SLC13A4: variants seen among roughly 807,000 people sequenced by gnomAD.
SLC13A4 encodes the protein solute carrier family 13 member 4.
A neutral mutation model predicts 72.7 loss-of-function variants in SLC13A4; 28 were observed. That is an observed-to-expected ratio of 0.39 (90% CI 0.29 to 0.53). SLC13A4 has a LOEUF of 0.53. Among genes scored for constraint, SLC13A4 ranks in the 20% least tolerant of loss-of-function variants. The probability of loss-of-function intolerance (pLI) is 0.78; values close to 1 mark genes in which losing one functional copy is unlikely to be tolerated. For missense variants in SLC13A4, 653 were observed against 788.0 expected, an observed-to-expected ratio of 0.83 and a Z score of 2.05; for synonymous variants, 312 against 325.5, an observed-to-expected ratio of 0.96 and a Z score of 0.45.
intron 6 of SLC13A4, 180 bp downstream of exon 6, chr7:135,702,665 C>A (rs1796065456): frequency 3.3e-6 from 2 of 613,256 alleles, no homozygotes; most frequent in Admixed American, 5.3e-5. Context: ...CATGAGCCAC[C>A]ACGCCCAGCC....
chr7:135,689,283 A>C (rs1795720019), intron 13 of SLC13A4, among the ~76,000 whole-genome samples: 1 of 152,170 alleles, frequency 6.6e-6, no homozygotes, highest in Non-Finnish European at 1.5e-5. Flanking sequence ...AAATATCCCG[A>C]ACTTGGAATG....
intron 2 of SLC13A4, among the ~76,000 whole-genome samples, chr7:135,711,963 A>ATTTTTTTTTTTTTTTTTTTTTTTTTTTT (rs529940903): frequency 2.1e-5 from 1 of 46,900 alleles, no homozygotes; most frequent in Admixed American, 3.4e-4. Flanking sequence ...ATGTTTTTGG[A>ATTTTTTTTTTTTTTTTTTTTTTTTTTTT]TTTTTTTTTT....
chr7:135,687,850 A>AC (rs1281255073), intron 13 of SLC13A4, among the ~76,000 whole-genome samples: 2 of 152,166 alleles, frequency 1.3e-5, no homozygotes, highest in African/African-American at 4.8e-5. Flanking sequence ...GTGCTCTGTC[A>AC]CCCAAGCTGG....
rs908863295 is a variant in SLC13A4 at position 135,692,561 on chromosome 7, A to G, written c.1122-137T>C. The stretch of plus-strand genomic sequence containing the variant: ...CACACTCACTGCCTAACCACTATGA[A>G]TGGCTGACAGTGAGATGAGGAGAAG... On this transcript the variant is annotated intron_variant, in intron 10 of 15. Coordinates refer to ENST00000682651, the MANE Select transcript of SLC13A4 (RefSeq NM_001318192.2). The G allele has an allele frequency of 7.1e-5, 44 of 618,760 alleles. No individual in the cohort carries two copies. The African/African-American group carries it at 7.4e-4, about 10-fold the overall frequency. The allele number at this position is 618,760 out of a possible 1,614,324, so 38.3% of individuals were successfully genotyped here.
chr7:135,682,510 A>G (rs1795525462), intron 15 of SLC13A4, among the ~76,000 whole-genome samples: 1 of 152,218 alleles, frequency 6.6e-6, no homozygotes, highest in Non-Finnish European at 1.5e-5. Flanking sequence ...ATGCTGGGAA[A>G]TTGTTTCAAG....
At position 135,708,214 on chromosome 7, in the gene SLC13A4, G is replaced by A; in HGVS notation, c.265C>T (p.Leu89=). ...AEYFKNTTLL[L]VGVICVAAAV... ...GCCGCCACGCAGATGACCCCCACCA[G>A]CAGCAGCGTGGTGTTCTTGAAGTAC... The change falls in exon 3 of 16, where the codon CTG becomes TTG. Residue 89 remains leucine, a synonymous_variant. Coordinates refer to ENST00000682651, the MANE Select transcript of SLC13A4 (RefSeq NM_001318192.2). 6.2e-7 allele frequency: 1 copy of A among 1,614,234 alleles called. No homozygotes were observed. The highest frequency in any genetic ancestry group is 2.2e-5 in the East Asian group (1 of 44,882).
intron 10 of SLC13A4, among the ~76,000 whole-genome samples, chr7:135,693,924 C>T (rs1352469346): frequency 6.6e-6 from 1 of 152,206 alleles, no homozygotes; most frequent in Non-Finnish European, 1.5e-5. Flanking sequence ...TGGCTATACC[C>T]TGGACTCTGA....
chr7:135,715,396 CATGTGTGTAT>C lies in SLC13A4; in HGVS notation c.228+5989_228+5998del, dbSNP rs1197704085. 1.2e-4 allele frequency among the ~76,000 whole-genome samples: 15 copies of C among 127,598 alleles called. No individual in the cohort carries two copies. In the East Asian group the frequency reaches 2.4e-3, roughly 20 times the overall value. 83.7% of individuals were successfully genotyped at this position (127,598 alleles called of 152,430 possible). On this transcript the variant is annotated intron_variant, in intron 2 of 15. Coordinates refer to ENST00000682651, the MANE Select transcript of SLC13A4 (RefSeq NM_001318192.2). ...GAGTGTGTGAGTGTGTATGTGTGAA[CATGTGTGTAT>C]GAGTGTGTGTATGAGTGTGTGAGCG...
intron 11 of SLC13A4, 118 bp from the exon 12 acceptor site, chr7:135,691,763 C>T: frequency 1.5e-6 from 1 of 678,238 alleles, no homozygotes; most frequent in Non-Finnish European, 2.5e-6. Flanking sequence ...CTAGAGGTAA[C>T]ATTAAGCTTA....
At chr7:135,707,094 G>C (rs1195541222) in intron 3 of SLC13A4, among the ~76,000 whole-genome samples, 1 of 152,196 alleles carries the variant, frequency 6.6e-6, no homozygotes, top group Non-Finnish European at 1.5e-5. Context: ...GACTCCATTG[G>C]CTGACAGCGA....
At chr7:135,683,478 C>CT (rs1795551581) in intron 15 of SLC13A4, 1 of 983,442 alleles carries the variant, frequency 1.0e-6, no homozygotes, top group Non-Finnish European at 1.2e-6. Context: ...TTTCCATCCT[C>CT]TCCCCCCCCG....
chr7:135,725,490 A>G (rs1024652033), intron 1 of SLC13A4, among the ~76,000 whole-genome samples: 3 of 152,112 alleles, frequency 2.0e-5, no homozygotes, highest in Non-Finnish European at 4.4e-5. Context: ...CTAGTTTTAG[A>G]GAGTTGGGCA....
chr7:135,710,895 C>T (rs910761317), intron 2 of SLC13A4, among the ~76,000 whole-genome samples: 5 of 150,716 alleles, frequency 3.3e-5, no homozygotes, highest in African/African-American at 4.9e-5. Context: ...ACTACTGTCA[C>T]GAATGCCCCC....
chr7:135,695,538 GGT>G (rs1397095255), intron 8 of SLC13A4, 51 bp from the exon 9 acceptor site: 21 of 1,574,294 alleles, frequency 1.3e-5, no homozygotes, highest in Non-Finnish European at 1.7e-5. Context: ...GTTTCCATAT[GGT>G]ATTTTGGGGT....
Position 135,728,104 on chromosome 7 carries a change from G to A in SLC13A4, c.-608C>T, listed in dbSNP as rs1796708932. On this transcript the variant is annotated 5_prime_UTR_variant, in exon 1 of 16. Coordinates refer to ENST00000682651, the MANE Select transcript of SLC13A4 (RefSeq NM_001318192.2). ...GGGCTGCTGGTCGCTCCCAGGACGT[G>A]GTACCTTAACTCTGTTCACATGTCT... 6.6e-6 allele frequency: 1 copy of A among 152,152 alleles called. No individual in the cohort carries two copies. Among genetic ancestry groups the A allele is most frequent in the South Asian group, 2.1e-4 (1 of 4,828 alleles). 9.4% of individuals were successfully genotyped at this position (152,152 alleles called of 1,614,324 possible). A position where few individuals can be genotyped will look rare whatever the true frequency, so the allele number is the denominator to read the frequency against.
intron 5 of SLC13A4, 42 bp from the exon 6 acceptor site, chr7:135,702,926 C>G: frequency 9.2e-6 from 14 of 1,526,142 alleles, no homozygotes; most frequent in Non-Finnish European, 1.3e-5. Flanking sequence ...TCAGTGAGGC[C>G]GACTCTTGGG....
At chr7:135,724,934 C>T (rs1486645992) in intron 1 of SLC13A4, among the ~76,000 whole-genome samples, 2 of 152,226 alleles carry the variant, frequency 1.3e-5, no homozygotes, top group Non-Finnish European at 2.9e-5. Flanking sequence ...TCCCCAACGC[C>T]TATCCCATGT....
intron 2 of SLC13A4, 43 bp downstream of exon 2, chr7:135,721,352 C>T (rs753616807): frequency 3.5e-5 from 56 of 1,610,496 alleles, no homozygotes; most frequent in Non-Finnish European, 4.7e-5. Flanking sequence ...TTCAGGGGCC[C>T]TGCAGGGACC....
At chr7:135,723,411 C>G (rs1484704975) in intron 1 of SLC13A4, among the ~76,000 whole-genome samples, 1 of 152,148 alleles carries the variant, frequency 6.6e-6, no homozygotes, top group Non-Finnish European at 1.5e-5. Context: ...CTGATGAACG[C>G]TGTTAAGACA....
Sources: gnomAD v4.1 joint callset for allele counts (sites outside exome capture counted in the v4.1 genomes callset) on GRCh38, gnomAD v4.1.1 for gene constraint, MANE v1.5 for transcripts, NCBI Gene and HGNC (gene_info 2026-07-23, HGNC 2026-07-21) for gene names.